URB1: variants seen among roughly 807,000 people sequenced by gnomAD.
URB1 encodes the protein nucleolar pre-ribosomal-associated protein 1.
Under a neutral mutation model 242.3 loss-of-function variants are expected in URB1, and 197 were observed. That is an observed-to-expected ratio of 0.81 (90% CI 0.72 to 0.91). The LOEUF is 0.91. URB1 is among the 40% of genes least tolerant of loss of function. The pLI is 0.00. For missense variants in URB1, 2,721 were observed against 2,860.5 expected, an observed-to-expected ratio of 0.95 and a Z score of 1.11; for synonymous variants, 1,153 against 1,201.8, an observed-to-expected ratio of 0.96 and a Z score of 0.84.
chr21:32,366,608 A>T lies in URB1; in HGVS notation c.1335+10T>A. 1 of 1,551,260 alleles carries T rather than the reference A, an allele frequency of 6.4e-7. No homozygotes were observed. Among genetic ancestry groups the T allele is most frequent in the South Asian group, 1.2e-5 (1 of 83,968 alleles). ...GCAGTTCCAGAAGTGGGGCAACCAC[A>T]TGGCCTTACGTTTAATGCTTGGGTG... On this transcript the variant is annotated intron_variant, in intron 10 of 38. Transcript: ENST00000382751.
chr21:32,337,825 C>A (rs1282059496), intron 26 of URB1, among the ~76,000 whole-genome samples: 1 of 151,908 alleles, frequency 6.6e-6, no homozygotes, highest in African/African-American at 2.4e-5. Flanking sequence ...GCCCAGCCCC[C>A]CACGTGTTTT....
At chr21:32,346,641 T>C (rs1469367836) in intron 22 of URB1, among the ~76,000 whole-genome samples, 1 of 152,082 alleles carries the variant, frequency 6.6e-6, no homozygotes, top group Non-Finnish European at 1.5e-5. Flanking sequence ...ACCCAAGAAC[T>C]CCTTCAACGT....
At chr21:32,391,600 C>T (rs1194783780) in intron 1 of URB1, among the ~76,000 whole-genome samples, 1 of 152,172 alleles carries the variant, frequency 6.6e-6, no homozygotes, top group East Asian at 1.9e-4. Flanking sequence ...ATCACTTTAT[C>T]TCTACCGTAG....
At chr21:32,318,275 C>T (rs2032717731) in intron 36 of URB1, among the ~76,000 whole-genome samples, 1 of 152,154 alleles carries the variant, frequency 6.6e-6, no homozygotes, top group Non-Finnish European at 1.5e-5. Flanking sequence ...CACAGACCAC[C>T]AGTAAAGTGA....
intron 31 of URB1, among the ~76,000 whole-genome samples, 185 bp downstream of exon 31, chr21:32,325,044 G>A (rs1043918940): frequency 3.9e-5 from 6 of 151,944 alleles, no homozygotes; most frequent in African/African-American, 1.5e-4. Flanking sequence ...GGGGGTTGTG[G>A]ATCAAAGGCG....
At chr21:32,315,950 G>A (rs538189038) in intron 38 of URB1, among the ~76,000 whole-genome samples, 1 of 152,288 alleles carries the variant, frequency 6.6e-6, no homozygotes, top group African/African-American at 2.4e-5. Context: ...ACGGCCCCCT[G>A]GAGCTTGTGC....
In URB1 at chr21:32,363,233, C is replaced by A; in HGVS notation, c.1432G>T (p.Val478Leu). ...KTVDHCLNKE[V>L]WQESGVYTAV... ...GTGTACACGCCTGATTCCTGCCACA[C>A]CTCTTTATTCAGGCAGTGGTCAACA... Residue 478 changes from valine to leucine, a missense_variant, in exon 11 of 39, where the codon GTG becomes TTG. Physicochemically the swap from Val to Leu is conservative, Grantham distance 32. Coordinates refer to ENST00000382751, the MANE Select transcript of URB1 (RefSeq NM_014825.3). 6.4e-7 allele frequency: 1 copy of A among 1,552,136 alleles called. No individual in the cohort carries two copies. Among genetic ancestry groups the A allele is most frequent in the Non-Finnish European group, 8.7e-7 (1 of 1,147,100 alleles).
chr21:32,367,937 T>C (rs890310898), intron 9 of URB1, among the ~76,000 whole-genome samples: 5 of 152,212 alleles, frequency 3.3e-5, no homozygotes, highest in African/African-American at 9.7e-5. Flanking sequence ...CAAAACGCTA[T>C]AGAAGATAAG....
At chr21:32,372,105 C>T (rs1479720266) in intron 8 of URB1, among the ~76,000 whole-genome samples, 2 of 152,200 alleles carry the variant, frequency 1.3e-5, no homozygotes, top group Admixed American at 1.3e-4. Context: ...GTCTCGACCT[C>T]TCTAGAACTA....
intron 1 of URB1, among the ~76,000 whole-genome samples, chr21:32,388,292 A>T (rs531310482): frequency 2.6e-5 from 4 of 152,298 alleles, no homozygotes; most frequent in African/African-American, 9.6e-5. Flanking sequence ...TATGAAGCGT[A>T]AAAAGGCTAA....
At position 32,318,294 on chromosome 21, in the gene URB1, C is replaced by T. The variant is rs565570208; in HGVS notation, c.5793-377G>A. Among the ~76,000 whole-genome samples, 112 of 152,280 alleles carry T rather than the reference C, an allele frequency of 7.4e-4. 2 individuals are homozygous for T. In the South Asian group the frequency reaches 0.023, roughly 31 times the overall value. ...GACCACCAGTAAAGTGAGAAAAACCCAGGGAGGCCCTGGGACAGTGTCACC... is the reference window on the plus strand; with the variant it reads ...GACCACCAGTAAAGTGAGAAAAACCTAGGGAGGCCCTGGGACAGTGTCACC... On this transcript the variant is annotated intron_variant, in intron 36 of 38. Coordinates refer to ENST00000382751, the MANE Select transcript of URB1 (RefSeq NM_014825.3).
chr21:32,349,202 A>C, intron 21 of URB1, 102 bp downstream of exon 21: 4 of 1,397,964 alleles, frequency 2.9e-6, no homozygotes, highest in Non-Finnish European at 3.8e-6. Flanking sequence ...TGCATTTCCC[A>C]ATTTTCCCAC....
At chr21:32,387,974 C>G (rs1465828584) in intron 1 of URB1, among the ~76,000 whole-genome samples, 1 of 152,228 alleles carries the variant, frequency 6.6e-6, no homozygotes, top group Admixed American at 6.5e-5. Flanking sequence ...CAGAACAGGG[C>G]TTGGTACTGC....
chr21:32,359,718 T>C, intron 14 of URB1, 78 bp downstream of exon 14: 1 of 1,292,580 alleles, frequency 7.7e-7, no homozygotes, highest in South Asian at 1.6e-5. Context: ...CTGAGCCAAT[T>C]AGCAATTCAT....
At chr21:32,370,812 G>A (rs1476940831) in intron 8 of URB1, among the ~76,000 whole-genome samples, 2 of 152,214 alleles carry the variant, frequency 1.3e-5, no homozygotes, top group Non-Finnish European at 2.9e-5. Flanking sequence ...AACAGACTGT[G>A]TAGGCTGCCA....
intron 30 of URB1, among the ~76,000 whole-genome samples, chr21:32,329,505 T>C (rs2032870078): frequency 6.6e-6 from 1 of 152,206 alleles, no homozygotes; most frequent in African/African-American, 2.4e-5. Flanking sequence ...ATGTGTGAAT[T>C]ATGAGCTGTA....
intron 38 of URB1, among the ~76,000 whole-genome samples, chr21:32,316,064 C>A (rs1371001750): frequency 6.6e-6 from 1 of 152,128 alleles, no homozygotes; most frequent in Non-Finnish European, 1.5e-5. Context: ...CACACACGCG[C>A]ATGCACATGC....
intron 1 of URB1, among the ~76,000 whole-genome samples, chr21:32,392,167 T>C (rs1262985725): frequency 6.6e-6 from 1 of 152,222 alleles, no homozygotes; most frequent in African/African-American, 2.4e-5. Flanking sequence ...ATTGCGTTTT[T>C]CCCAAACCAT....
chr21:32,311,808 G>A lies in URB1; in HGVS notation c.*3110C>T. On this transcript the variant is annotated 3_prime_UTR_variant, in exon 39 of 39. Coordinates refer to ENST00000382751, the MANE Select transcript of URB1 (RefSeq NM_014825.3). ...AACCTCACAGGCTCAGGCGAGCTCA[G>A]TGGAGCCAGGGAGCAGAACTGGCCC... The A allele has an allele frequency of 6.2e-7, 1 of 1,614,108 alleles. No individual in the cohort carries two copies. The highest frequency in any genetic ancestry group is 8.5e-7 in the Non-Finnish European group (1 of 1,180,038).
Sources: gnomAD v4.1 joint callset for allele counts (sites outside exome capture counted in the v4.1 genomes callset) on GRCh38, gnomAD v4.1.1 for gene constraint, MANE v1.5 for transcripts, NCBI Gene and HGNC (gene_info 2026-07-23, HGNC 2026-07-21) for gene names.